Variants in TMEM266 observed in about 807,000 individuals in gnomAD.
TMEM266 encodes Hv1 related protein 1.
TMEM266 carries 33 observed loss-of-function variants against 50.5 expected under a neutral mutation model. The ratio of observed to expected loss-of-function variants is 0.65; its 90% CI spans 0.50 to 0.87. TMEM266 has a LOEUF of 0.87. Ranked by LOEUF, TMEM266 falls within the 40% of genes least tolerant of loss-of-function variation. The pLI is 0.00. For synonymous variants in TMEM266, 310 were observed against 292.3 expected, an observed-to-expected ratio of 1.06 and a Z score of -0.62; for missense variants, 655 against 695.1, an observed-to-expected ratio of 0.94 and a Z score of 0.65.
intron 1 of TMEM266, among the ~76,000 whole-genome samples, chr15:76,102,095 C>G (rs905895676): frequency 2.6e-5 from 4 of 152,190 alleles, no homozygotes; most frequent in African/African-American, 7.2e-5. Context: ...TATCCAGGCC[C>G]CTAACATTAT....
intron 1 of TMEM266, among the ~76,000 whole-genome samples, chr15:76,130,929 A>G (rs943217454): frequency 2.6e-5 from 4 of 152,158 alleles, no homozygotes; most frequent in Non-Finnish European, 5.9e-5. Flanking sequence ...CAGATTTGTG[A>G]ATTTTTACTT....
intron 9 of TMEM266, among the ~76,000 whole-genome samples, chr15:76,193,356 G>T (rs1031110673): frequency 1.4e-4 from 21 of 152,202 alleles, no homozygotes; most frequent in Non-Finnish European, 2.9e-4. Flanking sequence ...GAGTAGCTGG[G>T]ATCATAGGTG....
rs945887356 is a variant in TMEM266 at position 76,119,411 on chromosome 15, A to G, written c.-96-14757A>G. On this transcript the variant is annotated intron_variant, in intron 1 of 10. Coordinates refer to ENST00000388942, the MANE Select transcript of TMEM266 (RefSeq NM_152335.3). ...TATGGCAAAAAAAAAAAAAAAAAAA[A>G]AGAAAAGAAAAGAAAATAGGGTCTC... Among the ~76,000 whole-genome samples the G allele has an allele frequency of 6.5e-4, 97 of 149,858 alleles. 1 individual carries two copies. In the East Asian group the frequency reaches 0.017, roughly 26 times the overall value.
intron 1 of TMEM266, among the ~76,000 whole-genome samples, chr15:76,100,999 G>GTTTTTTTTTTTTTTTTTTTTTTT (rs200834025): frequency 6.9e-6 from 1 of 144,306 alleles, no homozygotes; most frequent in Non-Finnish European, 1.5e-5. Flanking sequence ...GCTTACCTTG[G>GTTTTTTTTTTTTTTTTTTTTTTT]TTTTTTTTTT....
At chr15:76,182,364 C>T (rs1165032460) in intron 8 of TMEM266, among the ~76,000 whole-genome samples, 9 of 152,082 alleles carry the variant, frequency 5.9e-5, no homozygotes, top group East Asian at 1.9e-4. Context: ...AGGTCGGGTG[C>T]GGTGGCTCAC....
At chr15:76,169,992 A>C in intron 6 of TMEM266, 120 bp downstream of exon 6, 14 of 1,004,318 alleles carry the variant, frequency 1.4e-5, no homozygotes, top group East Asian at 7.7e-5. Context: ...CTCCCACTTG[A>C]CCTCTGTGGC....
chr15:76,065,017 T>C (rs929261701), intron 1 of TMEM266, among the ~76,000 whole-genome samples: 1 of 152,264 alleles, frequency 6.6e-6, no homozygotes, highest in African/African-American at 2.4e-5. Flanking sequence ...TAGTCAAATC[T>C]TTGTACTTTA....
chr15:76,086,551 C>T (rs531921474), intron 1 of TMEM266, among the ~76,000 whole-genome samples: 1 of 152,270 alleles, frequency 6.6e-6, no homozygotes, highest in Admixed American at 6.5e-5. Flanking sequence ...TGAAAGTACT[C>T]TCCACAGGCT....
intron 1 of TMEM266, among the ~76,000 whole-genome samples, chr15:76,115,933 T>G (rs760008572): frequency 2.6e-5 from 4 of 152,128 alleles, no homozygotes; most frequent in Non-Finnish European, 5.9e-5. Context: ...ACAGTGATGT[T>G]TTTACTGGAG....
At position 76,175,632 on chromosome 15, in the gene TMEM266, C is replaced by T. The variant is rs747155045; in HGVS notation, c.726C>T (p.Asp242=). 1.3e-5 allele frequency: 21 copies of T among 1,614,056 alleles called. No homozygotes were observed. Among genetic ancestry groups the T allele is most frequent in the African/African-American group, 4.0e-5 (3 of 74,942 alleles). Residue 242 remains aspartate, a synonymous_variant, in exon 8 of 11, where the codon GAC becomes GAT. Transcript: ENST00000388942. ...ACGAGAAGGCCAAGGTCATCCAAGA[C>T]GAGCAGCTGGAGAGGCTGACGCAGA... is the stretch of plus-strand genomic sequence containing the variant.
intron 9 of TMEM266, among the ~76,000 whole-genome samples, chr15:76,199,152 T>G (rs888573285): frequency 6.6e-6 from 1 of 152,168 alleles, no homozygotes; most frequent in Non-Finnish European, 1.5e-5. Flanking sequence ...GTCAAAGTTG[T>G]TGGTAAGAGA....
chr15:76,148,565 A>G (rs552764631), intron 3 of TMEM266, among the ~76,000 whole-genome samples: 2 of 152,290 alleles, frequency 1.3e-5, no homozygotes, highest in East Asian at 3.9e-4. Flanking sequence ...CAAAGACTTG[A>G]CAAGTGGCTC....
chr15:76,149,885 C>A (rs893494344), intron 3 of TMEM266, among the ~76,000 whole-genome samples: 1 of 152,240 alleles, frequency 6.6e-6, no homozygotes, highest in African/African-American at 2.4e-5. Flanking sequence ...ACAGAAGTTA[C>A]ATTTCAGTCA....
In TMEM266 at chr15:76,204,519, C is replaced by G; in HGVS notation, c.*204C>G. 2 of 505,104 alleles carry G rather than the reference C, an allele frequency of 4.0e-6. No homozygotes were observed. The highest frequency in any genetic ancestry group is 7.0e-6 in the Non-Finnish European group (2 of 286,006). 31.3% of individuals were successfully genotyped at this position (505,104 alleles called of 1,614,324 possible). A position where few individuals can be genotyped will look rare whatever the true frequency, so the allele number is the denominator to read the frequency against. The stretch of plus-strand genomic sequence containing the variant: ...GCCCAGAGCTGGCGCCTCTTCTCGC[C>G]CTGCTCAGGGGAGGGTGGTGCTCGT... On this transcript the variant is annotated 3_prime_UTR_variant, in exon 11 of 11. Transcript: ENST00000388942.
At position 76,115,943 on chromosome 15, in the gene TMEM266, G is replaced by GT. The variant is rs1201256141; in HGVS notation, c.-96-18225_-96-18224insT. Among the ~76,000 whole-genome samples the GT allele has an allele frequency of 4.9e-4, 74 of 152,294 alleles. 1 individual carries two copies. The South Asian group carries it at 0.011, about 22-fold the overall frequency. Reference sequence around the variant, plus strand: ...TGACAACAGTGATGTTTTTACTGGAGCAGTGCTCAGCAGATGCTCGGTGTT... The same window carrying GT: ...TGACAACAGTGATGTTTTTACTGGAGTCAGTGCTCAGCAGATGCTCGGTGTT... On this transcript the variant is annotated intron_variant, in intron 1 of 10. Transcript: ENST00000388942.
At chr15:76,180,310 A>G (rs534950917) in intron 8 of TMEM266, among the ~76,000 whole-genome samples, 110 of 152,198 alleles carry the variant, frequency 7.2e-4, no homozygotes, top group African/African-American at 2.3e-3. Flanking sequence ...GGCTGTGGCA[A>G]TTTCTCAGAC....
intron 1 of TMEM266, among the ~76,000 whole-genome samples, chr15:76,078,240 C>G (rs557884124): frequency 6.6e-6 from 1 of 152,172 alleles, no homozygotes; most frequent in East Asian, 1.9e-4. Flanking sequence ...TCAAGGTGCC[C>G]TGCCTCTTTG....
intron 1 of TMEM266, among the ~76,000 whole-genome samples, chr15:76,097,244 G>A (rs1011365182): frequency 1.3e-5 from 2 of 151,948 alleles, no homozygotes; most frequent in Non-Finnish European, 2.9e-5. Flanking sequence ...TTTTGCTGTG[G>A]CTGGTACTGG....
At chr15:76,070,995 T>C (rs2141983814) in intron 1 of TMEM266, among the ~76,000 whole-genome samples, 1 of 152,350 alleles carries the variant, frequency 6.6e-6, no homozygotes, top group Non-Finnish European at 1.5e-5. Flanking sequence ...TGTCTTATCC[T>C]GACACACCCA....
Sources: allele counts gnomAD v4.1 joint callset (sites outside exome capture counted in the v4.1 genomes callset), GRCh38; gene constraint gnomAD v4.1.1; transcripts MANE v1.5; gene names NCBI Gene and HGNC (gene_info 2026-07-23, HGNC 2026-07-21).